ADAMTS18: variants seen among roughly 807,000 people sequenced by gnomAD.
ADAMTS18 encodes A disintegrin and metalloproteinase with thrombospondin motifs 18.
In ADAMTS18, 157 loss-of-function variants were observed where a neutral mutation model predicts 165.9. The ratio of observed to expected loss-of-function variants is 0.95; its 90% CI spans 0.83 to 1.08. The LOEUF is 1.08. Ranked by LOEUF, ADAMTS18 falls within the 50% of genes least tolerant of loss-of-function variation. The probability of loss-of-function intolerance (pLI) is 0.00; values close to 1 mark genes in which losing one functional copy is unlikely to be tolerated. For missense variants in ADAMTS18, 2,040 were observed against 1,534.0 expected, an observed-to-expected ratio of 1.33 and a Z score of -5.51; for synonymous variants, 782 against 578.2, an observed-to-expected ratio of 1.35 and a Z score of -5.06.
At chr16:77,394,910 A>T (rs760508421) in intron 3 of ADAMTS18, among the ~76,000 whole-genome samples, 6 of 152,210 alleles carry the variant, frequency 3.9e-5, no homozygotes, top group Non-Finnish European at 8.8e-5. Context: ...AAACTGCAAG[A>T]CAACATGACC....
intron 3 of ADAMTS18, among the ~76,000 whole-genome samples, chr16:77,373,660 A>T (rs947738533): frequency 6.6e-6 from 1 of 152,154 alleles, no homozygotes. Flanking sequence ...ACAAATCACC[A>T]CTAAAGAACT....
In ADAMTS18 at chr16:77,294,870, C is replaced by T. The variant is rs2055435378; in HGVS notation, c.3006+53G>A. The T allele has an allele frequency of 2.6e-6, 4 of 1,568,610 alleles. No individual in the cohort carries two copies. The Admixed American group carries it at 6.8e-5, about 27-fold the overall frequency. On this transcript the variant is annotated intron_variant, in intron 19 of 22. Coordinates refer to ENST00000282849, the MANE Select transcript of ADAMTS18 (RefSeq NM_199355.4). ...CCAGTGGAGAGCAAAGACACCTCTA[C>T]TTTTGCCTTCATGGGGACCGAGAAT...
chr16:77,353,402 A>G (rs1597158947), intron 10 of ADAMTS18, among the ~76,000 whole-genome samples: 2 of 152,226 alleles, frequency 1.3e-5, no homozygotes, highest in East Asian at 3.9e-4. Context: ...TTAAATTAAC[A>G]GGGAATAGGA....
intron 12 of ADAMTS18, among the ~76,000 whole-genome samples, chr16:77,330,459 T>C (rs184514352): frequency 1.1e-3 from 170 of 152,064 alleles, no homozygotes; most frequent in African/African-American, 3.9e-3. Flanking sequence ...TGAGCAAGAG[T>C]TGCTACCGTG....
rs141522765 is a variant in ADAMTS18 at position 77,311,700 on chromosome 16, G to GGTTT, written c.2532+8148_2532+8149insAAAC. Among the ~76,000 whole-genome samples, 494 of 94,100 alleles carry GGTTT rather than the reference G, an allele frequency of 5.2e-3. 3 individuals carry two copies. The highest frequency in any genetic ancestry group is 7.5e-3 in the East Asian group (32 of 4,284). 61.7% of individuals were successfully genotyped at this position (94,100 alleles called of 152,430 possible). ...ATAGACAAAATACTAGATTACTGGA[G>GGTTT]TTTTCTTTTTTTTTTGCTTTGAATA... On this transcript the variant is annotated intron_variant, in intron 16 of 22. Coordinates refer to ENST00000282849, the MANE Select transcript of ADAMTS18 (RefSeq NM_199355.4).
chr16:77,323,557 C>CTTTTTTTTTTTTTTTTTTTT (rs34433387), intron 13 of ADAMTS18, among the ~76,000 whole-genome samples: 1 of 141,084 alleles, frequency 7.1e-6, no homozygotes, highest in Non-Finnish European at 1.6e-5. Flanking sequence ...TAGAAAGTTC[C>CTTTTTTTTTTTTTTTTTTTT]TTTTTTTTTT....
At chr16:77,418,993 A>G (rs1412028229) in intron 3 of ADAMTS18, among the ~76,000 whole-genome samples, 3 of 152,154 alleles carry the variant, frequency 2.0e-5, no homozygotes, top group African/African-American at 7.2e-5. Context: ...TACTAAAAAT[A>G]CAAAAATTAG....
At chr16:77,372,966 C>G (rs7184724) in intron 3 of ADAMTS18, among the ~76,000 whole-genome samples, 40,362 of 152,074 alleles carry the variant, frequency 0.27, 6,025 homozygotes, top group East Asian at 0.57. Flanking sequence ...CCTGCAGAAC[C>G]TGCCAGCTTT....
At chr16:77,286,165 A>G (rs2055246749) in intron 22 of ADAMTS18, among the ~76,000 whole-genome samples, 1 of 151,974 alleles carries the variant, frequency 6.6e-6, no homozygotes, top group African/African-American at 2.4e-5. Flanking sequence ...TGCCTCGGGG[A>G]CTTTGGGGTC....
chr16:77,381,034 T>C (rs933026563), intron 3 of ADAMTS18, among the ~76,000 whole-genome samples: 3 of 152,030 alleles, frequency 2.0e-5, no homozygotes, highest in Non-Finnish European at 2.9e-5. Flanking sequence ...CCATCATGCC[T>C]GGTGAATTTT....
At chr16:77,411,590 G>A (rs149415369) in intron 3 of ADAMTS18, among the ~76,000 whole-genome samples, 1 of 151,238 alleles carries the variant, frequency 6.6e-6, no homozygotes, top group African/African-American at 2.4e-5. Context: ...ATGAAGAGGT[G>A]CAAAGTCAAC....
chr16:77,311,525 T>C (rs2144617136), intron 16 of ADAMTS18, among the ~76,000 whole-genome samples: 1 of 152,294 alleles, frequency 6.6e-6, no homozygotes, highest in Admixed American at 6.5e-5. Context: ...ATTATAATTT[T>C]ATGTTTTTAG....
intron 11 of ADAMTS18, among the ~76,000 whole-genome samples, chr16:77,337,007 T>C (rs936618195): frequency 6.6e-6 from 1 of 152,218 alleles, no homozygotes; most frequent in African/African-American, 2.4e-5. Flanking sequence ...TCCCCTGCGA[T>C]ACATTTGGCT....
At chr16:77,298,488 G>C (rs1442731764) in intron 17 of ADAMTS18, among the ~76,000 whole-genome samples, 1 of 152,060 alleles carries the variant, frequency 6.6e-6, no homozygotes, top group Non-Finnish European at 1.5e-5. Flanking sequence ...CTTTCAGGAG[G>C]CACTTACGAA....
intron 8 of ADAMTS18, among the ~76,000 whole-genome samples, chr16:77,358,548 G>A (rs769483903): frequency 4.6e-5 from 7 of 152,034 alleles, no homozygotes; most frequent in East Asian, 3.9e-4. Flanking sequence ...GGCGACAGAC[G>A]GAGACTCTGT....
At chr16:77,418,770 C>G (rs1419241898) in intron 3 of ADAMTS18, among the ~76,000 whole-genome samples, 1 of 152,200 alleles carries the variant, frequency 6.6e-6, no homozygotes, top group East Asian at 1.9e-4. Flanking sequence ...TGGTGAACAC[C>G]TGCCAAAGAG....
chr16:77,331,164 T>C (rs1319130214), intron 12 of ADAMTS18, among the ~76,000 whole-genome samples: 3 of 152,342 alleles, frequency 2.0e-5, no homozygotes, highest in African/African-American at 7.2e-5. Flanking sequence ...CAATATGTTG[T>C]TTCCATGAAC....
chr16:77,339,070 G>A (rs914166115), intron 11 of ADAMTS18, among the ~76,000 whole-genome samples: 5 of 152,088 alleles, frequency 3.3e-5, no homozygotes, highest in African/African-American at 1.2e-4. Flanking sequence ...GGACAGAGTT[G>A]GGTTCCAGTT....
intron 8 of ADAMTS18, among the ~76,000 whole-genome samples, chr16:77,357,000 T>TC (rs1337648701): frequency 1.3e-5 from 2 of 151,542 alleles, no homozygotes; most frequent in African/African-American, 4.8e-5. Context: ...TTTTTTTTTT[T>TC]TTTTTTTTAG....
Sources: allele counts gnomAD v4.1 joint callset (sites outside exome capture counted in the v4.1 genomes callset), GRCh38; gene constraint gnomAD v4.1.1; transcripts MANE v1.5; gene names NCBI Gene and HGNC (gene_info 2026-07-23, HGNC 2026-07-21).